Variants in RSU1 observed in about 807,000 individuals in gnomAD.
RSU1 encodes the protein rsu-1.
RSU1 carries 26 observed loss-of-function variants against 31.1 expected under a neutral mutation model. That is an observed-to-expected ratio of 0.84 (90% CI 0.61 to 1.16). The LOEUF (loss-of-function observed/expected upper bound fraction) is 1.16. Ranked by LOEUF, RSU1 falls within the 50% of genes most tolerant of loss-of-function variation. The pLI, the probability that RSU1 is intolerant of heterozygous loss-of-function variation, is 0.00. For missense variants in RSU1, 320 were observed against 339.1 expected (o/e 0.94, Z 0.44); for synonymous variants, 164 against 136.3 (o/e 1.20, Z -1.41).
chr10:16,742,202 G>A (rs1368791264), intron 7 of RSU1, among the ~76,000 whole-genome samples: 2 of 152,296 alleles, frequency 1.3e-5, no homozygotes, highest in African/African-American at 4.8e-5. Context: ...CTTCACAGGA[G>A]TATAAATGGT....
At chr10:16,604,140 G>A (rs1457986340) in intron 8 of RSU1, among the ~76,000 whole-genome samples, 1 of 152,160 alleles carries the variant, frequency 6.6e-6, no homozygotes. Context: ...GACTCTGGTC[G>A]GGGCAAGAGT....
chr10:16,695,166 G>GT lies in RSU1; in HGVS notation c.599-12_599-11insA, dbSNP rs72451149. The GT allele has an allele frequency of 4.3e-6, 6 of 1,381,664 alleles. No individual in the cohort carries two copies. The highest frequency in any genetic ancestry group is 2.7e-5 in the East Asian group (1 of 37,638). The allele number at this position is 1,381,664 out of a possible 1,614,324, so 85.6% of individuals were successfully genotyped here. On this transcript the variant is annotated splice_polypyrimidine_tract_variant and intron_variant, in intron 7 of 8. Transcript: ENST00000345264. Reference sequence around the variant, plus strand: ...TTAAATCCAAGTTTCCTGGGGGGGGGGAAAAAAAAAGTGAAGGTCACTTCA... The same window carrying GT: ...TTAAATCCAAGTTTCCTGGGGGGGGGTGAAAAAAAAAGTGAAGGTCACTTCA...
Position 16,695,161 on chromosome 10 carries a change from G to GGGGA in RSU1, c.599-7_599-6insTCCC. 19 of 1,483,242 alleles carry GGGGA rather than the reference G, an allele frequency of 1.3e-5. 1 individual carries two copies. The highest frequency in any genetic ancestry group is 1.6e-5 in the Non-Finnish European group (18 of 1,102,240). 91.9% of individuals were successfully genotyped at this position (1,483,242 alleles called of 1,614,324 possible). On this transcript the variant is annotated splice_polypyrimidine_tract_variant and splice_region_variant and intron_variant, in intron 7 of 8. Transcript: ENST00000345264. The stretch of plus-strand genomic sequence containing the variant: ...GCCAGTTAAATCCAAGTTTCCTGGG[G>GGGGA]GGGGGGAAAAAAAAAGTGAAGGTCA...
intron 2 of RSU1, among the ~76,000 whole-genome samples, chr10:16,808,499 A>C (rs1005027205): frequency 5.3e-5 from 8 of 151,242 alleles, no homozygotes; most frequent in African/African-American, 1.2e-4. Flanking sequence ...AAAAAAAAAA[A>C]AAAAAAACAA....
chr10:16,630,997 C>G (rs1301492538), intron 8 of RSU1, among the ~76,000 whole-genome samples: 5 of 152,224 alleles, frequency 3.3e-5, no homozygotes, highest in African/African-American at 9.6e-5. Flanking sequence ...CAAAAGTTTC[C>G]TGGCTTAATC....
intron 8 of RSU1, among the ~76,000 whole-genome samples, chr10:16,677,084 C>A (rs969401816): frequency 6.6e-6 from 1 of 152,166 alleles, no homozygotes. Flanking sequence ...CATGTACATT[C>A]CCCTAAACTT....
intron 5 of RSU1, among the ~76,000 whole-genome samples, chr10:16,754,331 A>G (rs1209098594): frequency 6.6e-6 from 1 of 152,226 alleles, no homozygotes; most frequent in Non-Finnish European, 1.5e-5. Context: ...ATGAAAGAAT[A>G]AAGTGTGTTC....
At chr10:16,594,789 ATTTT>A (rs939278496) in intron 8 of RSU1, among the ~76,000 whole-genome samples, 3 of 136,958 alleles carry the variant, frequency 2.2e-5, no homozygotes, top group African/African-American at 8.2e-5. Flanking sequence ...ATATATATAT[ATTTT>A]TTTTTTTTTG....
intron 7 of RSU1, 65 bp from the exon 8 acceptor site, chr10:16,695,220 T>G (rs558211736): frequency 2.7e-5 from 40 of 1,480,032 alleles, no homozygotes; most frequent in Admixed American, 2.3e-4. Context: ...TAAGAAGTCC[T>G]TCTCAGTAAT....
At chr10:16,779,307 C>T (rs1837603465) in intron 3 of RSU1, among the ~76,000 whole-genome samples, 1 of 152,150 alleles carries the variant, frequency 6.6e-6, no homozygotes. Context: ...AATTTCTGCT[C>T]CCAGATTCTT....
intron 8 of RSU1, among the ~76,000 whole-genome samples, chr10:16,607,896 C>G (rs1833831936): frequency 6.6e-6 from 1 of 152,190 alleles, no homozygotes; most frequent in Non-Finnish European, 1.5e-5. Flanking sequence ...CAGAGTCTTG[C>G]TCTGTCACCC....
At chr10:16,702,392 G>C in intron 7 of RSU1, among the ~76,000 whole-genome samples, 1 of 152,364 alleles carries the variant, frequency 6.6e-6, no homozygotes, top group East Asian at 1.9e-4. Context: ...ACCCTGCACC[G>C]GGAAAAGCTG....
At chr10:16,759,948 T>C (rs1471541969) in intron 4 of RSU1, among the ~76,000 whole-genome samples, 3 of 152,164 alleles carry the variant, frequency 2.0e-5, no homozygotes, top group Non-Finnish European at 4.4e-5. Flanking sequence ...TCACCCTGGC[T>C]CCTTAGAATA....
At chr10:16,765,052 T>C (rs192173731) in intron 3 of RSU1, among the ~76,000 whole-genome samples, 2 of 152,226 alleles carry the variant, frequency 1.3e-5, no homozygotes, top group Admixed American at 1.3e-4. Flanking sequence ...TCTATAAAAA[T>C]GAGTATTATG....
At chr10:16,639,758 C>G (rs1834407845) in intron 8 of RSU1, among the ~76,000 whole-genome samples, 1 of 152,162 alleles carries the variant, frequency 6.6e-6, no homozygotes, top group South Asian at 2.1e-4. Flanking sequence ...ACAATATTGG[C>G]ATCCTAAGAA....
chr10:16,691,091 A>T (rs976599134), intron 8 of RSU1, among the ~76,000 whole-genome samples: 1 of 145,626 alleles, frequency 6.9e-6, no homozygotes, highest in African/African-American at 2.8e-5. Context: ...TTGCTTTTTT[A>T]AAAAAACTAT....
chr10:16,594,634 A>AAT (rs201462480), intron 8 of RSU1, among the ~76,000 whole-genome samples: 3 of 146,766 alleles, frequency 2.0e-5, no homozygotes, highest in Non-Finnish European at 4.5e-5. Context: ...TATGATAGAT[A>AAT]ATATGATATA....
At chr10:16,727,432 T>A (rs1448794651) in intron 7 of RSU1, among the ~76,000 whole-genome samples, 1 of 152,156 alleles carries the variant, frequency 6.6e-6, no homozygotes, top group Non-Finnish European at 1.5e-5. Flanking sequence ...GAAATTTCAT[T>A]TCCCTCAGAA....
At chr10:16,751,156 C>T (rs768149314) in intron 7 of RSU1, among the ~76,000 whole-genome samples, 22 of 152,024 alleles carry the variant, frequency 1.4e-4, no homozygotes, top group Non-Finnish European at 2.9e-4. Flanking sequence ...TGGGAGCCAC[C>T]GTGCCCGGCC....
Sources: allele counts gnomAD v4.1 joint callset (sites outside exome capture counted in the v4.1 genomes callset), GRCh38; gene constraint gnomAD v4.1.1; transcripts MANE v1.5; gene names NCBI Gene and HGNC (gene_info 2026-07-23, HGNC 2026-07-21).